CAMTA1: variants seen among roughly 807,000 people sequenced by gnomAD.
The protein encoded by CAMTA1 is calmodulin binding transcription activator 1.
A neutral mutation model predicts 170.9 loss-of-function variants in CAMTA1; 27 were observed. The observed-to-expected ratio is 0.16, with a 90% CI of 0.12 to 0.22. The LOEUF (loss-of-function observed/expected upper bound fraction) is 0.22. CAMTA1 is among the 10% of genes least tolerant of loss of function. The pLI is 1.00. For synonymous variants in CAMTA1, 833 were observed against 891.5 expected (o/e 0.93, Z 1.17); for missense variants, 1,619 against 2,217.2 (o/e 0.73, Z 5.42).
intron 5 of CAMTA1, among the ~76,000 whole-genome samples, chr1:7,262,818 G>A (rs536575981): frequency 2.0e-5 from 3 of 152,282 alleles, no homozygotes; most frequent in South Asian, 4.1e-4. Flanking sequence ...CTGAATGCAC[G>A]TCTGAGAGCT....
At chr1:6,948,857 G>A (rs1571960276) in intron 3 of CAMTA1, among the ~76,000 whole-genome samples, 4 of 152,112 alleles carry the variant, frequency 2.6e-5, no homozygotes, top group South Asian at 2.1e-4. Context: ...TGAGGTGATC[G>A]AAGAAATTTA....
chr1:7,704,054 G>A (rs1353915712), intron 11 of CAMTA1, among the ~76,000 whole-genome samples: 4 of 151,492 alleles, frequency 2.6e-5, no homozygotes, highest in African/African-American at 9.7e-5. Flanking sequence ...GCCCCGCCCT[G>A]GCCCTCCCCG....
chr1:6,841,381 A>G (rs1363649957), intron 3 of CAMTA1, among the ~76,000 whole-genome samples: 6 of 152,104 alleles, frequency 3.9e-5, no homozygotes, highest in African/African-American at 1.4e-4. Context: ...TCTTCCTTTC[A>G]CAGAGGGTAT....
rs939286267 is a variant in CAMTA1, at chr1:7,007,544, C to T, written c.235-83760C>T. On this transcript the variant is annotated intron_variant, in intron 3 of 22. Transcript: ENST00000303635. This position sits in a 1 kb window ranked among gnomAD's most constrained non-coding sequence, Gnocchi z 4.5. ...GGATACCTGGCGTGGTCCTCCTGAC[C>T]GGGGCTCAGTTTACCTCCTGCTTCA... Among the ~76,000 whole-genome samples, 2 of 152,144 alleles carry T rather than the reference C, an allele frequency of 1.3e-5. No homozygotes were observed. Among genetic ancestry groups the T allele is most frequent in the South Asian group, 2.1e-4 (1 of 4,828 alleles).
chr1:7,452,197 A>G (rs750543081), intron 5 of CAMTA1, among the ~76,000 whole-genome samples: 5 of 152,282 alleles, frequency 3.3e-5, no homozygotes, highest in Middle Eastern at 3.4e-3. Flanking sequence ...TTGAACAGAT[A>G]GACTCACGGG....
chr1:7,107,522 G>T (rs977537065), intron 4 of CAMTA1, among the ~76,000 whole-genome samples: 3 of 152,168 alleles, frequency 2.0e-5, no homozygotes, highest in African/African-American at 7.2e-5. Context: ...CAGATTAATT[G>T]GTGGCGTTGA....
At chr1:7,138,352 T>C (rs995437563) in intron 4 of CAMTA1, among the ~76,000 whole-genome samples, 1 of 152,236 alleles carries the variant, frequency 6.6e-6, no homozygotes, top group African/African-American at 2.4e-5. Context: ...AGAAATACCC[T>C]GCCACAGTGT....
At chr1:7,420,251 C>T (rs1325128031) in intron 5 of CAMTA1, among the ~76,000 whole-genome samples, 1 of 151,894 alleles carries the variant, frequency 6.6e-6, no homozygotes, top group Non-Finnish European at 1.5e-5. Context: ...CCCACCTCTC[C>T]CCTCTGTCTG....
chr1:6,985,377 T>C (rs1391582271), intron 3 of CAMTA1, among the ~76,000 whole-genome samples: 2 of 152,240 alleles, frequency 1.3e-5, no homozygotes, highest in African/African-American at 4.8e-5. Flanking sequence ...CAAGAGGCAA[T>C]GTGCTGCCAT....
intron 22 of CAMTA1, among the ~76,000 whole-genome samples, chr1:7,757,348 A>G (rs1322330275): frequency 6.6e-6 from 1 of 152,224 alleles, no homozygotes; most frequent in Non-Finnish European, 1.5e-5. Context: ...TTCTAATACA[A>G]CTTTATTTAT....
chr1:6,837,235 C>T lies in CAMTA1; in HGVS notation c.234+12025C>T, dbSNP rs1003271592. ...CCTCCCAAAGTGCTGGGATTACAGG[C>T]GTGAGCCACCGTGCCTGGCAGGAGT... On this transcript the variant is annotated intron_variant, in intron 3 of 22. Coordinates refer to ENST00000303635, the MANE Select transcript of CAMTA1 (RefSeq NM_015215.4). Among the ~76,000 whole-genome samples, 14 of 152,064 alleles carry T rather than the reference C, an allele frequency of 9.2e-5. 1 individual carries two copies. The highest frequency in any genetic ancestry group is 5.2e-4 in the Admixed American group (8 of 15,244).
intron 4 of CAMTA1, among the ~76,000 whole-genome samples, chr1:7,138,123 C>G (rs917286660): frequency 4.6e-5 from 7 of 152,134 alleles, no homozygotes; most frequent in Non-Finnish European, 1.0e-4. Flanking sequence ...GTAGCTGGGA[C>G]CACTGGTGCG....
chr1:7,268,650 C>A (rs531052530), intron 5 of CAMTA1, among the ~76,000 whole-genome samples: 1 of 152,282 alleles, frequency 6.6e-6, no homozygotes, highest in South Asian at 2.1e-4. Flanking sequence ...TCAAAATGAG[C>A]AAGCTGATCT....
chr1:7,654,209 T>C (rs753672324), intron 7 of CAMTA1, among the ~76,000 whole-genome samples: 1 of 151,616 alleles, frequency 6.6e-6, no homozygotes, highest in Non-Finnish European at 1.5e-5. Context: ...GCTGAAACCC[T>C]GTCTCTACTA....
intron 3 of CAMTA1, among the ~76,000 whole-genome samples, chr1:6,902,084 TA>T (rs143405526): frequency 1.9e-5 from 2 of 105,012 alleles, no homozygotes; most frequent in South Asian, 3.0e-4. Flanking sequence ...AAAAAAAAAA[TA>T]AAAATAAAAA....
At chr1:7,353,779 CA>C (rs2084885076) in intron 5 of CAMTA1, among the ~76,000 whole-genome samples, 1 of 152,004 alleles carries the variant, frequency 6.6e-6, no homozygotes, top group Admixed American at 6.5e-5. Context: ...ATTTTAGGTT[CA>C]GGGGTACATG....
At chr1:7,355,510 C>G (rs2085042415) in intron 5 of CAMTA1, among the ~76,000 whole-genome samples, 2 of 152,242 alleles carry the variant, frequency 1.3e-5, no homozygotes, top group African/African-American at 2.4e-5. Flanking sequence ...TTTAATCACT[C>G]AGCCAACCCT....
At chr1:7,531,455 C>T (rs1301719690) in intron 6 of CAMTA1, among the ~76,000 whole-genome samples, 1 of 152,200 alleles carries the variant, frequency 6.6e-6, no homozygotes, top group Non-Finnish European at 1.5e-5. Context: ...TGTCAACCAC[C>T]ATCCTTACTC....
chr1:7,607,081 A>G (rs2095491561), intron 6 of CAMTA1, among the ~76,000 whole-genome samples: 1 of 152,146 alleles, frequency 6.6e-6, no homozygotes, highest in Non-Finnish European at 1.5e-5. Flanking sequence ...GGATGGTTGG[A>G]TGGGTGGATG....
Sources: allele counts gnomAD v4.1 joint callset (sites outside exome capture counted in the v4.1 genomes callset), GRCh38; gene constraint gnomAD v4.1.1; non-coding constraint Gnocchi (gnomAD v3.1); transcripts MANE v1.5; gene names NCBI Gene and HGNC (gene_info 2026-07-23, HGNC 2026-07-21).